Variants in SLCO1A2 observed in about 807,000 individuals in gnomAD.
The protein encoded by SLCO1A2 is solute carrier organic anion transporter family member 1A2, also known as OATP-1.
A neutral mutation model predicts 69.0 loss-of-function variants in SLCO1A2; 67 were observed. That is an observed-to-expected ratio of 0.97 (90% CI 0.80 to 1.19). The LOEUF (loss-of-function observed/expected upper bound fraction) is 1.19, where lower values mean the gene tolerates loss of function less well. Among genes scored for constraint, SLCO1A2 ranks in the 50% most tolerant of loss-of-function variants. SLCO1A2 has a pLI of 0.00. For missense variants in SLCO1A2, 787 were observed against 793.7 expected (o/e 0.99, Z 0.10); for synonymous variants, 260 against 265.9 (o/e 0.98, Z 0.22).
At chr12:21,296,146 A>G (rs1038889951) in intron 9 of SLCO1A2, among the ~76,000 whole-genome samples, 1 of 152,120 alleles carries the variant, frequency 6.6e-6, no homozygotes, top group African/African-American at 2.4e-5. Flanking sequence ...TTCATTTATT[A>G]CCCTCTATTC....
intron 2 of SLCO1A2, among the ~76,000 whole-genome samples, chr12:21,346,499 T>G (rs1953256391): frequency 6.6e-6 from 1 of 152,136 alleles, no homozygotes; most frequent in Non-Finnish European, 1.5e-5. Context: ...CTATGTGACT[T>G]TATTTTTAGA....
At chr12:21,296,921 C>A (rs1947800106) in intron 9 of SLCO1A2, among the ~76,000 whole-genome samples, 1 of 152,120 alleles carries the variant, frequency 6.6e-6, no homozygotes, top group African/African-American at 2.4e-5. Flanking sequence ...TAGGCTAAAA[C>A]CACTGAGGTT....
intron 8 of SLCO1A2, among the ~76,000 whole-genome samples, chr12:21,298,091 A>AT (rs1481423759): frequency 3.3e-5 from 5 of 151,792 alleles, no homozygotes; most frequent in East Asian, 1.9e-4. Flanking sequence ...AGTATCCGGA[A>AT]TTTTTTTTTG....
chr12:21,275,460 T>C, intron 12 of SLCO1A2, 36 bp from the exon 13 acceptor site: 1 of 1,402,940 alleles, frequency 7.1e-7, no homozygotes, highest in Non-Finnish European at 9.4e-7. Context: ...AAAAGAAAAA[T>C]AAAGATTTAA....
chr12:21,338,449 C>T (rs1275841732), upstream of SLCO1A2, among the ~76,000 whole-genome samples: 1 of 151,870 alleles, frequency 6.6e-6, no homozygotes, highest in Non-Finnish European at 1.5e-5. Context: ...GCCACAATCC[C>T]TCCTTACTCC....
At chr12:21,367,158 C>T (rs1295957254) in intron 2 of SLCO1A2, among the ~76,000 whole-genome samples, 1 of 152,032 alleles carries the variant, frequency 6.6e-6, no homozygotes, top group East Asian at 1.9e-4. Context: ...CTTTTAGCCA[C>T]ATTAGTGGTT....
intron 1 of SLCO1A2, among the ~76,000 whole-genome samples, chr12:21,393,619 A>C (rs1480443131): frequency 6.6e-6 from 1 of 152,158 alleles, no homozygotes; most frequent in Non-Finnish European, 1.5e-5. Flanking sequence ...GCCCAATTTA[A>C]TTTTTTTAGG....
chr12:21,345,641 A>C (rs1953228070), intron 2 of SLCO1A2, among the ~76,000 whole-genome samples: 1 of 152,156 alleles, frequency 6.6e-6, no homozygotes, highest in South Asian at 2.1e-4. Context: ...GCTATGAAAC[A>C]AAAATGTATT....
rs948163609 is a variant in SLCO1A2 at position 21,319,543 on chromosome 12, T to C, written c.61-620A>G. ...AGCAATCCCAGTTGTGTCTAAGGCA[T>C]ATAAGCCCAGGACAGAGTATTTTCA... On this transcript the variant is annotated intron_variant, in intron 2 of 14. Coordinates refer to ENST00000683939, the MANE Select transcript of SLCO1A2 (RefSeq NM_001386879.1). 9.7e-6 allele frequency: 11 copies of C among 1,137,420 alleles called. No homozygotes were observed. In the East Asian group the frequency reaches 2.9e-4, roughly 30 times the overall value. 70.5% of individuals were successfully genotyped at this position (1,137,420 alleles called of 1,614,324 possible).
intron 2 of SLCO1A2, among the ~76,000 whole-genome samples, chr12:21,326,147 C>T (rs1591846841): frequency 1.3e-5 from 2 of 152,328 alleles, no homozygotes; most frequent in Non-Finnish European, 1.5e-5. Flanking sequence ...CACATGCTCT[C>T]TTGCCACCAT....
Position 21,363,571 on chromosome 12 carries a change from C to T in SLCO1A2, c.-63+10828G>A, listed in dbSNP as rs538861992. On this transcript the variant is annotated intron_variant, in intron 2 of 15. Transcript: ENST00000307378. ...AGAGCAGAACTGAAGTAGATAGAGACACAAAAAAACCCTTCAAAAAATAAA... is the reference window on the plus strand; with the variant it reads ...AGAGCAGAACTGAAGTAGATAGAGATACAAAAAAACCCTTCAAAAAATAAA... 7.8e-4 allele frequency among the ~76,000 whole-genome samples: 118 copies of T among 152,086 alleles called. 1 individual carries two copies. The South Asian group carries it at 0.024, about 31-fold the overall frequency.
chr12:21,270,200 T>G (rs1365003339), intron 14 of SLCO1A2, among the ~76,000 whole-genome samples: 1 of 151,862 alleles, frequency 6.6e-6, no homozygotes, highest in Non-Finnish European at 1.5e-5. Flanking sequence ...TATTTTCTAT[T>G]GTGAGCTTGC....
At chr12:21,296,254 T>G in intron 9 of SLCO1A2, among the ~76,000 whole-genome samples, 1 of 152,126 alleles carries the variant, frequency 6.6e-6, no homozygotes, top group East Asian at 1.9e-4. Flanking sequence ...TCTTTTCTTT[T>G]TTTAGAGACA....
chr12:21,348,010 A>G (rs1937640327), intron 2 of SLCO1A2, among the ~76,000 whole-genome samples: 4 of 152,208 alleles, frequency 2.6e-5, no homozygotes, highest in Non-Finnish European at 4.4e-5. Flanking sequence ...AGGAAGTCCA[A>G]TGAACTTTAG....
chr12:21,370,111 T>TG (rs1402174011), intron 2 of SLCO1A2, among the ~76,000 whole-genome samples: 1 of 152,208 alleles, frequency 6.6e-6, no homozygotes, highest in Non-Finnish European at 1.5e-5. Flanking sequence ...ACAAATATCC[T>TG]GGATCAGACA....
chr12:21,322,839 G>A (rs1490728941), intron 2 of SLCO1A2, among the ~76,000 whole-genome samples: 1 of 152,168 alleles, frequency 6.6e-6, no homozygotes, highest in African/African-American at 2.4e-5. Context: ...CCATTCAGAT[G>A]GTTGGGGTCC....
At chr12:21,372,501 G>A (rs1437234310) in intron 2 of SLCO1A2, among the ~76,000 whole-genome samples, 1 of 152,062 alleles carries the variant, frequency 6.6e-6, no homozygotes, top group African/African-American at 2.4e-5. Context: ...GAAGCTTCAT[G>A]GGATTCAGCC....
intron 12 of SLCO1A2, among the ~76,000 whole-genome samples, chr12:21,284,382 C>T (rs974883679): frequency 6.6e-6 from 1 of 152,150 alleles, no homozygotes; most frequent in Admixed American, 6.6e-5. Context: ...GAGTGCCAGA[C>T]AGTGGGCGCA....
chr12:21,387,125 G>A (rs59598840), intron 1 of SLCO1A2, among the ~76,000 whole-genome samples: 2,842 of 152,192 alleles, frequency 0.019, 99 homozygotes, highest in African/African-American at 0.065. Context: ...TAGGGTTTCT[G>A]GTGGAAAAAA....
Sources: allele counts gnomAD v4.1 joint callset (sites outside exome capture counted in the v4.1 genomes callset), GRCh38; gene constraint gnomAD v4.1.1; transcripts MANE v1.5; gene names NCBI Gene and HGNC (gene_info 2026-07-23, HGNC 2026-07-21).